The following PSME4 variants were observed in gnomAD, a reference collection of about 807,000 sequenced individuals.
PSME4 encodes the protein proteasome activator complex subunit 4.
Under a neutral mutation model 253.9 loss-of-function variants are expected in PSME4, and 89 were observed. That is an observed-to-expected ratio of 0.35 (90% confidence interval 0.30 to 0.42). The LOEUF (loss-of-function observed/expected upper bound fraction) is 0.42. PSME4 is among the 10% of genes least tolerant of loss of function. PSME4 has a pLI of 1.00. For missense variants in PSME4, 2,014 were observed against 2,195.2 expected, an observed-to-expected ratio of 0.92 and a Z score of 1.65; for synonymous variants, 851 against 759.2, an observed-to-expected ratio of 1.12 and a Z score of -1.99.
intron 1 of PSME4, among the ~76,000 whole-genome samples, chr2:53,960,447 A>T (rs1670434581): frequency 6.6e-6 from 1 of 151,818 alleles, no homozygotes; most frequent in Non-Finnish European, 1.5e-5. Flanking sequence ...CTAGAGGAGC[A>T]GATTAAGAAT....
At chr2:53,905,762 G>A (rs1370433564) in intron 26 of PSME4, among the ~76,000 whole-genome samples, 1 of 152,046 alleles carries the variant, frequency 6.6e-6, no homozygotes, top group Admixed American at 6.6e-5. Flanking sequence ...GGCTACAGTG[G>A]GCTGTGATCA....
chr2:53,965,818 C>T (rs1424675904), intron 1 of PSME4, among the ~76,000 whole-genome samples: 5 of 152,080 alleles, frequency 3.3e-5, no homozygotes, highest in East Asian at 1.9e-4. Context: ...TACAGGCACC[C>T]GCCATCATGC....
At chr2:53,908,290 T>C in intron 24 of PSME4, 30 bp downstream of exon 24, 1 of 1,537,404 alleles carries the variant, frequency 6.5e-7, no homozygotes, top group Non-Finnish European at 9.0e-7. Flanking sequence ...TTAAAACAAT[T>C]AGTGCAGACT....
In PSME4 at chr2:53,869,366, GC is replaced by G; in HGVS notation, c.5263+9del. Reference sequence around the variant, plus strand: ...AATAGGATACAGGTGTTTCCTACCAGCAATGTTACCTGCAGAAGGAATGGTA... The same window carrying G: ...AATAGGATACAGGTGTTTCCTACCAGAATGTTACCTGCAGAAGGAATGGTA... On this transcript the variant is annotated intron_variant, in intron 44 of 46. Transcript: ENST00000404125. 1 of 1,593,066 alleles carries G rather than the reference GC, an allele frequency of 6.3e-7. No individual in the cohort carries two copies. The highest frequency in any genetic ancestry group is 8.6e-7 in the Non-Finnish European group (1 of 1,164,280).
intron 41 of PSME4, among the ~76,000 whole-genome samples, chr2:53,877,739 G>C (rs1024625922): frequency 1.9e-4 from 29 of 152,168 alleles, no homozygotes; most frequent in Admixed American, 1.9e-3. Flanking sequence ...TTGAGATCTA[G>C]TCAGAAAGAT....
intron 41 of PSME4, among the ~76,000 whole-genome samples, chr2:53,880,414 G>T (rs1679328763): frequency 6.6e-6 from 1 of 151,906 alleles, no homozygotes; most frequent in Non-Finnish European, 1.5e-5. Context: ...GGACAACATA[G>T]CAAGATATCA....
At chr2:53,967,849 G>C (rs1670817595) in intron 1 of PSME4, among the ~76,000 whole-genome samples, 1 of 151,922 alleles carries the variant, frequency 6.6e-6, no homozygotes, top group Non-Finnish European at 1.5e-5. Context: ...CTTGATCTAT[G>C]CAACTGTTTC....
At chr2:53,904,983 G>A (rs1323514050) in intron 26 of PSME4, among the ~76,000 whole-genome samples, 8 of 146,384 alleles carry the variant, frequency 5.5e-5, no homozygotes, top group South Asian at 2.2e-4. Context: ...GCGAGACTCC[G>A]TCTCAAACAA....
At chr2:53,926,370 C>T (rs569189061) in intron 12 of PSME4, among the ~76,000 whole-genome samples, 1 of 151,870 alleles carries the variant, frequency 6.6e-6, no homozygotes, top group Non-Finnish European at 1.5e-5. Flanking sequence ...CAATAACATG[C>T]TCGCGACTGG....
intron 9 of PSME4, among the ~76,000 whole-genome samples, 193 bp from the exon 10 acceptor site, chr2:53,932,293 A>C (rs956133826): frequency 6.6e-6 from 1 of 152,192 alleles, no homozygotes; most frequent in African/African-American, 2.4e-5. Context: ...AATGAAAATG[A>C]GTTTCAAATT....
intron 10 of PSME4, among the ~76,000 whole-genome samples, chr2:53,931,229 A>G (rs1668816075): frequency 6.6e-6 from 1 of 152,052 alleles, no homozygotes; most frequent in Non-Finnish European, 1.5e-5. Flanking sequence ...GTGAGCCAAG[A>G]TTTGCACTCC....
intron 29 of PSME4, among the ~76,000 whole-genome samples, chr2:53,899,283 CTTG>C (rs1680283082): frequency 6.6e-6 from 1 of 151,746 alleles, no homozygotes; most frequent in Non-Finnish European, 1.5e-5. Context: ...CCAGGCTGGT[CTTG>C]AACTCCTTAG....
chr2:53,920,936 C>A lies in PSME4; in HGVS notation c.2215G>T (p.Val739Leu). The A allele has an allele frequency of 6.2e-7, 1 of 1,613,880 alleles. No homozygotes were observed. ...GGAGGCTTGTCAAAGCCACCTGGCA[C>A]ACTGCAGTATTCTGTAGGGTAGATA... is the stretch of plus-strand genomic sequence containing the variant. ...TLIYPTEYCS[V>L]PGGFDKPPSE... Residue 739 changes from valine to leucine, a missense_variant, in exon 18 of 47, where the codon GTG becomes TTG. By Grantham distance (32) the Val-to-Leu change is conservative. Transcript: ENST00000404125.
chr2:53,940,962 T>A lies in PSME4; in HGVS notation c.501-962A>T, dbSNP rs7601205. Among the ~76,000 whole-genome samples, 293 of 51,608 alleles carry A rather than the reference T, an allele frequency of 5.7e-3. 16 individuals are homozygous for A. Among genetic ancestry groups the A allele is most frequent in the African/African-American group, 0.02 (237 of 12,048 alleles). 33.9% of individuals were successfully genotyped at this position (51,608 alleles called of 152,430 possible). On this transcript the variant is annotated intron_variant, in intron 3 of 46. Transcript: ENST00000404125. ...ATAAATATATATATACATATATATA[T>A]ATATATATATATATATATATATATA...
chr2:53,969,429 T>C (rs751742187), intron 1 of PSME4, among the ~76,000 whole-genome samples: 2 of 152,114 alleles, frequency 1.3e-5, no homozygotes, highest in African/African-American at 2.4e-5. Context: ...CCAGTGAATA[T>C]ACACAAAACT....
Position 53,936,159 on chromosome 2 carries a change from T to C in PSME4, c.762A>G (p.Gln254=). The C allele has an allele frequency of 6.2e-7, 1 of 1,613,594 alleles. No homozygotes were observed. The highest frequency in any genetic ancestry group is 8.5e-7 in the Non-Finnish European group (1 of 1,179,684). The change falls in exon 7 of 47, where the codon CAA becomes CAG. Residue 254 remains glutamine, a splice_region_variant and synonymous_variant. Transcript: ENST00000404125. ...CCAATCGAGCAAAGAGATTTACTAG[T>C]TGCTGAAAGTAAACAAAAAGGACAA... ...SVQNLPQWEG[Q]LVNLFARLAT...
At chr2:53,881,725 C>T (rs1258888119) in intron 41 of PSME4, among the ~76,000 whole-genome samples, 2 of 151,976 alleles carry the variant, frequency 1.3e-5, no homozygotes, top group Non-Finnish European at 2.9e-5. Context: ...GCTGGGACTA[C>T]AGTATCTGCC....
At chr2:53,882,145 C>G (rs551054791) in intron 41 of PSME4, among the ~76,000 whole-genome samples, 1 of 151,998 alleles carries the variant, frequency 6.6e-6, no homozygotes, top group Non-Finnish European at 1.5e-5. Context: ...ATGTTTCTTA[C>G]AACAATGTGT....
intron 27 of PSME4, among the ~76,000 whole-genome samples, chr2:53,903,372 T>A (rs1680500441): frequency 6.6e-6 from 1 of 152,170 alleles, no homozygotes; most frequent in South Asian, 2.1e-4. Flanking sequence ...AGTCCCCTCA[T>A]ATTCAATCAA....
Sources: allele counts gnomAD v4.1 joint callset (sites outside exome capture counted in the v4.1 genomes callset), GRCh38; gene constraint gnomAD v4.1.1; transcripts MANE v1.5; gene names NCBI Gene and HGNC (gene_info 2026-07-23, HGNC 2026-07-21).